The following BTBD1 variants were observed in gnomAD, a reference collection of about 807,000 sequenced individuals.
BTBD1 encodes the protein BTB/POZ domain-containing protein 1.
BTBD1 carries 34 observed loss-of-function variants against 48.0 expected under a neutral mutation model. The observed-to-expected ratio is 0.71, with a 90% CI of 0.54 to 0.94. The LOEUF is 0.94. Among genes scored for constraint, BTBD1 ranks in the 40% least tolerant of loss-of-function variants. The pLI is 0.00. For synonymous variants in BTBD1, 261 were observed against 242.1 expected (o/e 1.08, Z -0.72); for missense variants, 543 against 625.6 (o/e 0.87, Z 1.41).
At chr15:83,058,347 T>C (rs1421705059) in intron 1 of BTBD1, among the ~76,000 whole-genome samples, 1 of 152,252 alleles carries the variant, frequency 6.6e-6, no homozygotes, top group Non-Finnish European at 1.5e-5. Flanking sequence ...TTCATTGTAA[T>C]GGACTTACTA....
intron 4 of BTBD1, among the ~76,000 whole-genome samples, chr15:83,032,818 A>G (rs2032545219): frequency 6.6e-6 from 1 of 151,966 alleles, no homozygotes; most frequent in African/African-American, 2.4e-5. Flanking sequence ...CTAAAAACAC[A>G]AAATTTAGCC....
intron 4 of BTBD1, among the ~76,000 whole-genome samples, chr15:83,031,672 A>G: frequency 6.6e-6 from 1 of 152,182 alleles, no homozygotes; most frequent in South Asian, 2.1e-4. Context: ...AGATATACCT[A>G]ATGTAAATGA....
chr15:83,039,743 A>G (rs1384322495), intron 4 of BTBD1, among the ~76,000 whole-genome samples: 1 of 147,668 alleles, frequency 6.8e-6, no homozygotes, highest in Non-Finnish European at 1.5e-5. Context: ...GTACCACTGT[A>G]CTCCAGCCTG....
chr15:83,044,359 G>T (rs774128426), intron 3 of BTBD1: 10 of 1,485,608 alleles, frequency 6.7e-6, no homozygotes, highest in Non-Finnish European at 8.3e-6. Context: ...CCGCCCGCCC[G>T]TGCCCACCAT....
chr15:83,032,962 T>C (rs139800585), intron 4 of BTBD1, among the ~76,000 whole-genome samples: 1,176 of 97,098 alleles, frequency 0.012, 19 homozygotes, highest in African/African-American at 0.057. Flanking sequence ...ACAGTCTTAC[T>C]CTGTCTCAAA....
intron 3 of BTBD1, among the ~76,000 whole-genome samples, chr15:83,049,095 A>G (rs543138634): frequency 2.0e-5 from 3 of 152,318 alleles, no homozygotes; most frequent in Non-Finnish European, 4.4e-5. Context: ...TACTTGATAA[A>G]TCATTTTCCA....
intron 1 of BTBD1, among the ~76,000 whole-genome samples, chr15:83,062,254 A>G (rs1303160988): frequency 6.6e-6 from 1 of 152,208 alleles, no homozygotes; most frequent in Non-Finnish European, 1.5e-5. Flanking sequence ...ATCACTGTTA[A>G]CAGGATGAAT....
chr15:83,054,918 GGCCATGGCCCTACCTA>G (rs1301828923), intron 2 of BTBD1, among the ~76,000 whole-genome samples: 1 of 151,988 alleles, frequency 6.6e-6, no homozygotes, highest in Admixed American at 6.6e-5. Context: ...AAGAGCTCTG[GGCCATGGCCCTACCTA>G]GCCTATGAGG....
At chr15:83,063,624 C>A (rs1381056569) in intron 1 of BTBD1, among the ~76,000 whole-genome samples, 1 of 152,142 alleles carries the variant, frequency 6.6e-6, no homozygotes, top group Non-Finnish European at 1.5e-5. Flanking sequence ...ACCACCTCCG[C>A]CTCCCCAATC....
In BTBD1 at chr15:83,050,075, A is replaced by C. The variant is rs769208205; in HGVS notation, c.662T>G (p.Ile221Arg). The change falls in exon 3 of 8, where the codon ATA becomes AGA. Residue 221 changes from isoleucine to arginine, a missense_variant and splice_region_variant. Transcript: ENST00000261721. ...ISAEGFTDIDIDTLCAVLERD... is the reference protein window; with the variant it reads ...ISAEGFTDIDRDTLCAVLERD... ...AATTTACTTCATAGCGAACTTACCTATATCAATATCAGTAAACCCTTCTGC... is the reference window on the plus strand; with the variant it reads ...AATTTACTTCATAGCGAACTTACCTCTATCAATATCAGTAAACCCTTCTGC... 6.3e-7 allele frequency: 1 copy of C among 1,595,828 alleles called. No individual in the cohort carries two copies. The highest frequency in any genetic ancestry group is 1.1e-5 in the South Asian group (1 of 90,310).
At chr15:83,031,927 T>C (rs2032525058) in intron 4 of BTBD1, among the ~76,000 whole-genome samples, 1 of 151,500 alleles carries the variant, frequency 6.6e-6, no homozygotes, top group Admixed American at 6.6e-5. Context: ...AAAAGAAAAA[T>C]AGATGTTGGC....
Position 83,057,780 on chromosome 15 carries a change from A to G in BTBD1, c.402-1235T>C, listed in dbSNP as rs1055051961. On this transcript the variant is annotated intron_variant, in intron 1 of 7. Coordinates refer to ENST00000261721, the MANE Select transcript of BTBD1 (RefSeq NM_025238.4). ...TGTCATTCACGTTCTGCTTTTCCTT[A>G]TATGTCAGATGATTAAACTCCGTCT... Among the ~76,000 whole-genome samples, 4 of 152,136 alleles carry G rather than the reference A, an allele frequency of 2.6e-5. No individual in the cohort carries two copies. In the East Asian group the frequency reaches 5.8e-4, roughly 22 times the overall value.
rs764081269 is a variant in BTBD1 at position 83,041,932 on chromosome 15, GCAAAATA to G, written c.665-14_665-8del. On this transcript the variant is annotated splice_region_variant and splice_polypyrimidine_tract_variant and intron_variant, in intron 3 of 7. Coordinates refer to ENST00000261721, the MANE Select transcript of BTBD1 (RefSeq NM_025238.4). The stretch of plus-strand genomic sequence containing the variant: ...AAAACTGCACAGAGTGTATCTATAG[GCAAAATA>G]CAAAATAAACCCAATTAGAAATATT... 1 of 1,612,332 alleles carries G rather than the reference GCAAAATA, an allele frequency of 6.2e-7. No individual in the cohort carries two copies. Among genetic ancestry groups the G allele is most frequent in the African/African-American group, 1.3e-5 (1 of 74,898 alleles).
chr15:83,023,010 C>A (rs1220921356), intron 5 of BTBD1, among the ~76,000 whole-genome samples: 1 of 151,942 alleles, frequency 6.6e-6, no homozygotes, highest in Admixed American at 6.6e-5. Context: ...GAAAATGCAG[C>A]TAAATAAGAG....
Position 83,018,073 on chromosome 15 carries a change from A to G in BTBD1, c.1443T>C (p.Tyr481=). ...EDGQIPEIIF[Y]T is the part of the protein sequence containing the mutation. ...GATGTATTATAATGCTAAATTATGT[A>G]TAAAATATGATTTCTGGAATTTGTC... Residue 481 remains tyrosine (Y), a synonymous_variant, in exon 8 of 8, where the codon TAT becomes TAC. Coordinates refer to ENST00000261721, the MANE Select transcript of BTBD1 (RefSeq NM_025238.4). 1 of 1,600,840 alleles carries G rather than the reference A, an allele frequency of 6.2e-7. No homozygotes were observed.
chr15:83,056,440 T>G lies in BTBD1; in HGVS notation c.507A>C (p.Glu169Asp). The G allele has an allele frequency of 6.2e-7, 1 of 1,613,694 alleles. No individual in the cohort carries two copies. Among genetic ancestry groups the G allele is most frequent in the East Asian group, 2.2e-5 (1 of 44,868 alleles). Residue 169 changes from glutamate to aspartate, a missense_variant, in exon 2 of 8, where the codon GAA becomes GAC. Glu to Asp is a conservative substitution (Grantham distance 45). Coordinates refer to ENST00000261721, the MANE Select transcript of BTBD1 (RefSeq NM_025238.4). ...CTGCCCTAAGATGTTTGGTGAGAAA[T>G]TCTACACAGTGTGCTTCCAAGGCTG... is the stretch of plus-strand genomic sequence containing the variant. ...AVPALEAHCV[E>D]FLTKHLRADN...
At chr15:83,051,967 C>G (rs1326977875) in intron 2 of BTBD1, among the ~76,000 whole-genome samples, 3 of 150,950 alleles carry the variant, frequency 2.0e-5, no homozygotes. Context: ...GCCTTTTACT[C>G]TCTTTTTTAG....
intron 4 of BTBD1, among the ~76,000 whole-genome samples, chr15:83,038,058 T>C (rs1003224740): frequency 6.6e-6 from 1 of 152,126 alleles, no homozygotes; most frequent in Non-Finnish European, 1.5e-5. Flanking sequence ...CACTCCAGCC[T>C]AGGCAACAAA....
chr15:83,033,208 C>T (rs1222076362), intron 4 of BTBD1, among the ~76,000 whole-genome samples: 1 of 151,782 alleles, frequency 6.6e-6, no homozygotes, highest in African/African-American at 2.4e-5. Context: ...AGCAGGGCCC[C>T]ATCTCTTTTT....
Sources: allele counts gnomAD v4.1 joint callset (sites outside exome capture counted in the v4.1 genomes callset), GRCh38; gene constraint gnomAD v4.1.1; transcripts MANE v1.5; gene names NCBI Gene and HGNC (gene_info 2026-07-23, HGNC 2026-07-21).